Variants in LRRC69 observed in about 807,000 individuals in gnomAD.
LRRC69 encodes the protein leucine rich repeat containing 69.
Under a neutral mutation model 37.8 loss-of-function variants are expected in LRRC69, and 42 were observed. The ratio of observed to expected loss-of-function variants is 1.11; its 90% confidence interval spans 0.87 to 1.44. The LOEUF (loss-of-function observed/expected upper bound fraction) is 1.44, where lower values mean the gene tolerates loss of function less well. Among genes scored for constraint, LRRC69 ranks in the 40% most tolerant of loss-of-function variants. LRRC69 has a pLI of 0.00. For synonymous variants in LRRC69, 141 were observed against 143.1 expected (o/e 0.99, Z 0.11); for missense variants, 357 against 401.9 (o/e 0.89, Z 0.96).
chr8:91,189,669 A>G (rs1809461054), intron 6 of LRRC69, 46 bp downstream of exon 6: 1 of 1,302,858 alleles, frequency 7.7e-7, no homozygotes, highest in East Asian at 2.5e-5. Context: ...TAAAGCCACA[A>G]TTTAAATTTT....
intron 5 of LRRC69, among the ~76,000 whole-genome samples, chr8:91,188,899 C>G (rs1809446576): frequency 6.6e-6 from 1 of 151,402 alleles, no homozygotes; most frequent in African/African-American, 2.4e-5. Flanking sequence ...AATCTCGGCT[C>G]AGTGCAACCT....
intron 5 of LRRC69, among the ~76,000 whole-genome samples, chr8:91,180,222 T>A (rs1280984325): frequency 6.6e-6 from 1 of 152,164 alleles, no homozygotes; most frequent in African/African-American, 2.4e-5. Flanking sequence ...GGGTCTCTCA[T>A]GAGTTGTAAT....
At chr8:91,161,364 T>A (rs1177657343) in intron 5 of LRRC69, among the ~76,000 whole-genome samples, 1 of 151,226 alleles carries the variant, frequency 6.6e-6, no homozygotes, top group African/African-American at 2.4e-5. Flanking sequence ...TTGAGAAAAG[T>A]GGATGTTAGT....
chr8:91,156,371 C>A (rs571252192), intron 5 of LRRC69, among the ~76,000 whole-genome samples: 1 of 150,932 alleles, frequency 6.6e-6, no homozygotes, highest in Admixed American at 6.6e-5. Context: ...TGTGTGTCTT[C>A]ATTTGAGAAA....
chr8:91,195,094 G>A (rs1352920321), intron 6 of LRRC69, among the ~76,000 whole-genome samples: 9 of 152,196 alleles, frequency 5.9e-5, no homozygotes, highest in Admixed American at 4.6e-4. Flanking sequence ...CCTTCATTTT[G>A]TTATGTACCC....
chr8:91,176,134 A>ATATATATTTTTTTTTTTT, intron 5 of LRRC69, among the ~76,000 whole-genome samples: 40 of 75,696 alleles, frequency 5.3e-4, no homozygotes, highest in African/African-American at 1.9e-3. Flanking sequence ...ATATATATAT[A>ATATATATTTTTTTTTTTT]TTTTTTTTTT....
chr8:91,154,896 A>T (rs190193813), intron 5 of LRRC69, among the ~76,000 whole-genome samples: 165 of 151,796 alleles, frequency 1.1e-3, no homozygotes, highest in Admixed American at 1.8e-3. Context: ...AGAGAAAGAA[A>T]TAAAGGGTTT....
chr8:91,206,376 A>G (rs1809805338), intron 7 of LRRC69, among the ~76,000 whole-genome samples: 1 of 152,226 alleles, frequency 6.6e-6, no homozygotes, highest in Admixed American at 6.5e-5. Context: ...CAAAGAGAAA[A>G]GACAGCTCAT....
exon 7 of LRRC69, chr8:91,200,638 A>G: frequency 1.4e-6 from 2 of 1,455,916 alleles, no homozygotes; most frequent in Non-Finnish European, 1.8e-6. Context: ...TTTGTAATGA[A>G]TCAGCTAGCA....
At chr8:91,189,967 C>T (rs1809465741) in intron 6 of LRRC69, among the ~76,000 whole-genome samples, 1 of 152,110 alleles carries the variant, frequency 6.6e-6, no homozygotes, top group Non-Finnish European at 1.5e-5. Flanking sequence ...CCTTTTTACT[C>T]GTCTCTATCC....
chr8:91,187,006 G>A (rs147206359), intron 5 of LRRC69, among the ~76,000 whole-genome samples: 319 of 152,274 alleles, frequency 2.1e-3, no homozygotes, highest in African/African-American at 7.0e-3. Flanking sequence ...TGGTTCATTG[G>A]ACAGCCAAAT....
At chr8:91,181,261 C>A (rs1181348429) in intron 5 of LRRC69, among the ~76,000 whole-genome samples, 1 of 151,974 alleles carries the variant, frequency 6.6e-6, no homozygotes, top group African/African-American at 2.4e-5. Flanking sequence ...TTATCAGAGA[C>A]AATAATTATA....
At chr8:91,170,082 C>T (rs1809100942) in intron 5 of LRRC69, among the ~76,000 whole-genome samples, 1 of 117,636 alleles carries the variant, frequency 8.5e-6, no homozygotes, top group African/African-American at 3.4e-5. Flanking sequence ...AGTTCTAGAT[C>T]CCTGAGGAAT....
At position 91,158,124 on chromosome 8, in the gene LRRC69, C is replaced by T. The variant is rs61733740; in HGVS notation, c.651+22385C>T. 1,527 of 1,576,244 alleles carry T rather than the reference C, an allele frequency of 9.7e-4. 15 individuals carry two copies. The African/African-American group carries it at 0.018, about 19-fold the overall frequency. ...AGTTCTACATTTATTCCAGCATTACCAGGTGAAACTCTCACTTACCTATGG... is the reference window on the plus strand; with the variant it reads ...AGTTCTACATTTATTCCAGCATTACTAGGTGAAACTCTCACTTACCTATGG... On this transcript the variant is annotated intron_variant, in intron 5 of 7. Transcript: ENST00000448384.
chr8:91,110,134 C>T (rs1332928981), intron 1 of LRRC69, among the ~76,000 whole-genome samples: 1 of 152,100 alleles, frequency 6.6e-6, no homozygotes, highest in African/African-American at 2.4e-5. Context: ...ATATTATATA[C>T]TATTTGATTA....
At chr8:91,133,281 A>G (rs1719405756) in exon 4 of LRRC69, 2 of 1,511,560 alleles carry the variant, frequency 1.3e-6, no homozygotes, top group Non-Finnish European at 1.8e-6. Context: ...TGCTAGCCAG[A>G]AACAACATTG....
Position 91,198,403 on chromosome 8 carries a change from G to C in LRRC69, c.754-2210G>C, listed in dbSNP as rs1166022857. ...TACACCTATGCATGTATTTGTCTCAGACTTTGAATTTTTGCTCTTGATGCT... is the reference window on the plus strand; with the variant it reads ...TACACCTATGCATGTATTTGTCTCACACTTTGAATTTTTGCTCTTGATGCT... On this transcript the variant is annotated intron_variant, in intron 6 of 7. Transcript: ENST00000448384. Among the ~76,000 whole-genome samples the C allele has an allele frequency of 3.3e-5, 5 of 152,112 alleles. No homozygotes were observed. In the South Asian group the frequency reaches 1.0e-3, roughly 32 times the overall value.
chr8:91,195,780 G>A (rs1449901222), intron 6 of LRRC69, among the ~76,000 whole-genome samples: 2 of 151,592 alleles, frequency 1.3e-5, no homozygotes, highest in African/African-American at 4.8e-5. Flanking sequence ...CACACTGATG[G>A]GTCTTGACTC....
At chr8:91,137,607 A>G (rs1382101340) in intron 5 of LRRC69, among the ~76,000 whole-genome samples, 1 of 152,032 alleles carries the variant, frequency 6.6e-6, no homozygotes, top group Non-Finnish European at 1.5e-5. Context: ...GATAAAACAT[A>G]ATTACTTAGG....
Sources: gnomAD v4.1 joint callset for allele counts (sites outside exome capture counted in the v4.1 genomes callset) on GRCh38, gnomAD v4.1.1 for gene constraint, MANE v1.5 for transcripts, NCBI Gene and HGNC (gene_info 2026-07-23, HGNC 2026-07-21) for gene names.